TUSC3: variants seen among roughly 807,000 people sequenced by gnomAD.
TUSC3 encodes dolichyl-diphosphooligosaccharide--protein glycosyltransferase subunit TUSC3.
A neutral mutation model predicts 44.8 loss-of-function variants in TUSC3; 45 were observed. That is an observed-to-expected ratio of 1.00 (90% CI 0.79 to 1.29). TUSC3 has a LOEUF of 1.29. TUSC3 is among the 50% of genes most tolerant of loss of function. The pLI is 0.00. For missense variants in TUSC3, 519 were observed against 437.9 expected (o/e 1.19, Z -1.65); for synonymous variants, 212 against 152.9 (o/e 1.39, Z -2.85).
chr8:15,841,879 C>T, the TUSC3 span, among the ~76,000 whole-genome samples: 2 of 152,280 alleles, frequency 1.3e-5, no homozygotes, highest in Non-Finnish European at 2.9e-5. Context: ...AGAATGAATT[C>T]AGCTTAAATA....
intron 2 of TUSC3, among the ~76,000 whole-genome samples, chr8:15,488,366 G>C (rs1317102740): frequency 6.6e-6 from 1 of 151,890 alleles, no homozygotes; most frequent in African/African-American, 2.4e-5. Flanking sequence ...GCTGGGTGTA[G>C]TGGCTCGCAC....
At chr8:15,554,223 GA>G (rs1382552265) in intron 1 of TUSC3, among the ~76,000 whole-genome samples, 1 of 151,742 alleles carries the variant, frequency 6.6e-6, no homozygotes, top group Non-Finnish European at 1.5e-5. Flanking sequence ...ATTTTGTGGG[GA>G]TACAAACATG....
At position 15,495,710 on chromosome 8, in the gene TUSC3, G is replaced by A. The variant is rs181752454; in HGVS notation, n.189+12227G>A. On this transcript the variant is annotated intron_variant and non_coding_transcript_variant, in intron 2 of 5. Coordinates refer to the TUSC3 transcript ENST00000503191. ...ATGATCTTGCTGGGTTACTCTTCCA[G>A]GGAAAATGGACTCTTCCTGGAGTCA... 2.4e-3 allele frequency among the ~76,000 whole-genome samples: 371 copies of A among 152,236 alleles called. 4 individuals carry two copies. Among genetic ancestry groups the A allele is most frequent in the African/African-American group, 8.4e-3 (349 of 41,548 alleles).
intron 1 of TUSC3, among the ~76,000 whole-genome samples, chr8:15,551,481 A>G (rs1351199552): frequency 6.6e-6 from 1 of 151,718 alleles, no homozygotes; most frequent in Non-Finnish European, 1.5e-5. Context: ...GTGGGGGGTA[A>G]CAAAAACTAA....
At chr8:15,576,795 A>G (rs1312483080) in intron 1 of TUSC3, among the ~76,000 whole-genome samples, 2 of 140,788 alleles carry the variant, frequency 1.4e-5, no homozygotes, top group East Asian at 2.1e-4. Context: ...TCTTTATAGC[A>G]GCACGATTTA....
intron 1 of TUSC3, among the ~76,000 whole-genome samples, chr8:15,608,060 A>G (rs1804610398): frequency 6.6e-6 from 1 of 152,202 alleles, no homozygotes; most frequent in Non-Finnish European, 1.5e-5. Context: ...TAAATGCCAG[A>G]GTAGTTTATT....
At chr8:15,503,413 C>G (rs535082181) in intron 2 of TUSC3, among the ~76,000 whole-genome samples, 1 of 152,276 alleles carries the variant, frequency 6.6e-6, no homozygotes, top group Non-Finnish European at 1.5e-5. Flanking sequence ...TAATACTTGA[C>G]ATACTTTTTT....
intron 2 of TUSC3, among the ~76,000 whole-genome samples, chr8:15,649,724 C>T (rs1416209405): frequency 1.3e-5 from 2 of 151,930 alleles, no homozygotes; most frequent in Non-Finnish European, 2.9e-5. Context: ...GAGAGTCTAA[C>T]TTCCTCTCAA....
chr8:15,680,513 A>T (rs1253094684), intron 6 of TUSC3, among the ~76,000 whole-genome samples: 1 of 152,162 alleles, frequency 6.6e-6, no homozygotes, highest in East Asian at 1.9e-4. Context: ...TTTTCTAGAT[A>T]CAGAATCATA....
intron 1 of TUSC3, among the ~76,000 whole-genome samples, chr8:15,478,946 G>A (rs754381100): frequency 2.1e-4 from 32 of 152,194 alleles, no homozygotes; most frequent in Non-Finnish European, 4.1e-4. Context: ...AGCAACTGTT[G>A]TTTCTTGACT....
chr8:15,451,159 A>G (rs1029156522), intron 1 of TUSC3, among the ~76,000 whole-genome samples: 2 of 152,220 alleles, frequency 1.3e-5, no homozygotes, highest in African/African-American at 4.8e-5. Context: ...TCATGATATA[A>G]TAAGATATAA....
At chr8:15,500,491 G>T (rs1009672042) in intron 2 of TUSC3, among the ~76,000 whole-genome samples, 7 of 152,092 alleles carry the variant, frequency 4.6e-5, no homozygotes, top group Admixed American at 4.6e-4. Flanking sequence ...TTGAGAACTA[G>T]TCACTGTTAA....
At chr8:15,828,333 T>C in the TUSC3 span, among the ~76,000 whole-genome samples, 1 of 152,250 alleles carries the variant, frequency 6.6e-6, no homozygotes, top group African/African-American at 2.4e-5. Context: ...AGATTGGTTT[T>C]ATAAACCTAG....
intron 1 of TUSC3, among the ~76,000 whole-genome samples, chr8:15,597,261 T>A (rs1376398286): frequency 6.6e-6 from 1 of 152,146 alleles, no homozygotes; most frequent in Non-Finnish European, 1.5e-5. Flanking sequence ...TCTACACTGA[T>A]TTTGAAGCCT....
the TUSC3 span, among the ~76,000 whole-genome samples, chr8:15,787,954 T>A: frequency 6.6e-6 from 1 of 152,206 alleles, no homozygotes; most frequent in Non-Finnish European, 1.5e-5. Flanking sequence ...TTATTATTCC[T>A]CAAATATTCC....
chr8:15,540,080 T>C (rs1431653712), upstream of TUSC3: 2 of 259,648 alleles, frequency 7.7e-6, no homozygotes, highest in Non-Finnish European at 7.3e-6. Flanking sequence ...AGTAGCAGGA[T>C]GGCCTCAGAT....
intron 1 of TUSC3, among the ~76,000 whole-genome samples, chr8:15,480,445 C>T (rs1446423239): frequency 6.6e-6 from 1 of 152,204 alleles, no homozygotes; most frequent in Non-Finnish European, 1.5e-5. Context: ...GTTTAAACAA[C>T]AGATATGTAC....
At chr8:15,612,831 A>G (rs1407727726) in intron 1 of TUSC3, among the ~76,000 whole-genome samples, 1 of 151,986 alleles carries the variant, frequency 6.6e-6, no homozygotes, top group Non-Finnish European at 1.5e-5. Flanking sequence ...CTTGGACTGT[A>G]TGTCCCATCT....
chr8:15,774,266 A>T, the TUSC3 span, among the ~76,000 whole-genome samples: 3 of 152,178 alleles, frequency 2.0e-5, no homozygotes, highest in African/African-American at 7.2e-5. Flanking sequence ...TGAAGTCCTG[A>T]TCCGAGTACT....
Sources: gnomAD v4.1 joint callset for allele counts (sites outside exome capture counted in the v4.1 genomes callset) on GRCh38, gnomAD v4.1.1 for gene constraint, MANE v1.5 for transcripts, NCBI Gene and HGNC (gene_info 2026-07-23, HGNC 2026-07-21) for gene names.